DSCAM: variants seen among roughly 807,000 people sequenced by gnomAD.
The protein encoded by DSCAM is DS cell adhesion molecule.
A neutral mutation model predicts 217.7 loss-of-function variants in DSCAM; 47 were observed. The ratio of observed to expected loss-of-function variants is 0.22; its 90% CI spans 0.17 to 0.28. DSCAM has a LOEUF of 0.28. Among genes scored for constraint, DSCAM ranks in the 10% least tolerant of loss-of-function variants. The pLI is 1.00. For synonymous variants in DSCAM, 1,056 were observed against 1,015.3 expected, an observed-to-expected ratio of 1.04 and a Z score of -0.76; for missense variants, 2,080 against 2,618.3, an observed-to-expected ratio of 0.79 and a Z score of 4.49.
rs563181889 is a variant in DSCAM, at chr21:40,428,414, G to A, written c.509-59169C>T. Among the ~76,000 whole-genome samples the A allele has an allele frequency of 2.6e-3, 399 of 152,018 alleles. 3 individuals carry two copies. The highest frequency in any genetic ancestry group is 8.5e-3 in the South Asian group (41 of 4,812). ...GCCTCCAGAGTAACTGGGATTACAG[G>A]CATGCACCACCATGCCCAGCTAATG... On this transcript the variant is annotated intron_variant, in intron 3 of 32. Coordinates refer to ENST00000400454, the MANE Select transcript of DSCAM (RefSeq NM_001389.5).
chr21:40,611,027 G>A (rs1382879788), intron 3 of DSCAM, among the ~76,000 whole-genome samples: 1 of 148,734 alleles, frequency 6.7e-6, no homozygotes, highest in Non-Finnish European at 1.5e-5. Context: ...ATATAAAAAT[G>A]TAAAAAGAAA....
At chr21:40,588,236 G>A (rs931449293) in intron 3 of DSCAM, among the ~76,000 whole-genome samples, 1 of 152,126 alleles carries the variant, frequency 6.6e-6, no homozygotes, top group South Asian at 2.1e-4. Flanking sequence ...CTACCCCTCT[G>A]ATATTAGGTT....
At chr21:40,124,411 G>A (rs940389273) in intron 19 of DSCAM, 83 bp from the exon 20 acceptor site, 27 of 1,551,620 alleles carry the variant, frequency 1.7e-5, no homozygotes, top group East Asian at 6.7e-5. Context: ...ACCCCACTCC[G>A]CACTTACTGT....
chr21:40,266,121 A>G (rs1356563009), intron 11 of DSCAM, among the ~76,000 whole-genome samples: 2 of 152,206 alleles, frequency 1.3e-5, no homozygotes, highest in African/African-American at 4.8e-5. Context: ...AAGTACTAAT[A>G]TCCGCAATCT....
At chr21:40,496,700 G>A (rs1339033647) in intron 3 of DSCAM, among the ~76,000 whole-genome samples, 2 of 151,984 alleles carry the variant, frequency 1.3e-5, no homozygotes, top group African/African-American at 2.4e-5. Context: ...AATCAGCAAA[G>A]AGAACCTATG....
chr21:40,782,734 A>G (rs1483626146), intron 1 of DSCAM, among the ~76,000 whole-genome samples: 1 of 151,398 alleles, frequency 6.6e-6, no homozygotes, highest in Non-Finnish European at 1.5e-5. Flanking sequence ...TGTCTAAAAA[A>G]TAAATAAATA....
chr21:40,793,623 T>G (rs2091666061), intron 1 of DSCAM, among the ~76,000 whole-genome samples: 1 of 152,002 alleles, frequency 6.6e-6, no homozygotes, highest in Non-Finnish European at 1.5e-5. Flanking sequence ...CCCGGGTAGC[T>G]GGGACTACAG....
chr21:40,649,017 C>T (rs1355745866), intron 3 of DSCAM, among the ~76,000 whole-genome samples: 1 of 152,152 alleles, frequency 6.6e-6, no homozygotes, highest in Non-Finnish European at 1.5e-5. Context: ...AGGGGGATAT[C>T]GCCAGCCATG....
chr21:40,195,405 G>A (rs532986076), intron 11 of DSCAM, among the ~76,000 whole-genome samples: 4 of 152,258 alleles, frequency 2.6e-5, no homozygotes, highest in South Asian at 2.1e-4. Context: ...GGATAATCCC[G>A]AATGAGACAA....
intron 20 of DSCAM, among the ~76,000 whole-genome samples, chr21:40,114,258 C>G (rs9754218): frequency 0.94 from 131,178 of 139,698 alleles, 62,110 homozygotes; most frequent in Non-Finnish European, 0.99. Flanking sequence ...AAATAATGCT[C>G]CATATCTACA....
intron 9 of DSCAM, among the ~76,000 whole-genome samples, chr21:40,311,739 A>G (rs1445688555): frequency 6.6e-6 from 1 of 152,164 alleles, no homozygotes; most frequent in African/African-American, 2.4e-5. Flanking sequence ...TAAAAATATT[A>G]TATGAATACA....
chr21:40,038,755 T>G (rs1215084764), intron 32 of DSCAM, among the ~76,000 whole-genome samples: 2 of 146,208 alleles, frequency 1.4e-5, no homozygotes, highest in Non-Finnish European at 3.0e-5. Context: ...TAGCAAAGAC[T>G]TGGAACCAAC....
At chr21:40,328,294 G>A (rs2074339690) in intron 8 of DSCAM, among the ~76,000 whole-genome samples, 1 of 151,956 alleles carries the variant, frequency 6.6e-6, no homozygotes, top group East Asian at 1.9e-4. Context: ...TAAAATCATA[G>A]ACCAATGGAC....
intron 1 of DSCAM, among the ~76,000 whole-genome samples, chr21:40,744,972 T>A (rs971095292): frequency 6.6e-6 from 1 of 152,078 alleles, no homozygotes; most frequent in Non-Finnish European, 1.5e-5. Context: ...TTTTTAAAAA[T>A]CCAAATAGAA....
intron 11 of DSCAM, among the ~76,000 whole-genome samples, chr21:40,213,716 G>A (rs911059886): frequency 3.5e-4 from 53 of 152,282 alleles, no homozygotes; most frequent in Admixed American, 1.0e-3. Flanking sequence ...GGATGGAGGG[G>A]TTCCTTCTCC....
At chr21:40,520,830 A>G (rs1223876308) in intron 3 of DSCAM, among the ~76,000 whole-genome samples, 1 of 152,138 alleles carries the variant, frequency 6.6e-6, no homozygotes, top group East Asian at 1.9e-4. Context: ...AAATAAATAG[A>G]AAATATATGT....
intron 18 of DSCAM, among the ~76,000 whole-genome samples, chr21:40,135,584 G>T (rs1230487944): frequency 6.6e-6 from 1 of 152,178 alleles, no homozygotes; most frequent in Non-Finnish European, 1.5e-5. Context: ...CGTCGTGTCG[G>T]CCAGATTAAA....
intron 3 of DSCAM, among the ~76,000 whole-genome samples, chr21:40,625,609 C>T (rs2089589911): frequency 6.6e-6 from 1 of 152,162 alleles, no homozygotes; most frequent in Non-Finnish European, 1.5e-5. Context: ...AAGGCGGATC[C>T]TGCTGCAGGA....
chr21:40,320,550 A>C (rs2074248182), intron 8 of DSCAM, among the ~76,000 whole-genome samples: 1 of 152,196 alleles, frequency 6.6e-6, no homozygotes, highest in Non-Finnish European at 1.5e-5. Flanking sequence ...CATGCTGTGG[A>C]TAAAGACATA....
Sources: gnomAD v4.1 joint callset for allele counts (sites outside exome capture counted in the v4.1 genomes callset) on GRCh38, gnomAD v4.1.1 for gene constraint, MANE v1.5 for transcripts, NCBI Gene and HGNC (gene_info 2026-07-23, HGNC 2026-07-21) for gene names.